The following DEFB121 variants were observed in gnomAD, a reference collection of about 807,000 sequenced individuals.
DEFB121 encodes the protein defensin beta 121, also known as beta-defensin 121.
DEFB121 carries 5 observed loss-of-function variants against 2.5 expected under a neutral mutation model. The observed-to-expected ratio is 1.96, with a 90% CI of 1.03 to 4.13. DEFB121 has a LOEUF of 4.13. DEFB121 is among the 30% of genes most tolerant of loss of function. The probability of loss-of-function intolerance (pLI) is 0.00; values close to 1 mark genes in which losing one functional copy is unlikely to be tolerated. For synonymous variants in DEFB121, 39 were observed against 32.6 expected (o/e 1.20, Z -0.67); for missense variants, 87 against 85.0 (o/e 1.02, Z -0.09).
chr20:31,406,283 G>GA, upstream of DEFB121: 1 of 1,457,456 alleles, frequency 6.9e-7, no homozygotes, highest in Non-Finnish European at 9.1e-7. Flanking sequence ...CAGTGAACCA[G>GA]AACGGGAACA....
At position 31,404,851 on chromosome 20, in the gene DEFB121, A is replaced by G; in HGVS notation, c.*62T>C. ...ATCAGACAGAAACAGGGTGTTGCCAAGAATGATTTAATAGAACTGCAGGAT... is the reference window on the plus strand; with the variant it reads ...ATCAGACAGAAACAGGGTGTTGCCAGGAATGATTTAATAGAACTGCAGGAT... On this transcript the variant is annotated 3_prime_UTR_variant, in exon 2 of 2. Transcript: ENST00000376314. 6.3e-7 allele frequency: 1 copy of G among 1,578,762 alleles called. No individual in the cohort carries two copies. The highest frequency in any genetic ancestry group is 8.6e-7 in the Non-Finnish European group (1 of 1,161,116).
rs779005447 is a variant in DEFB121, at chr20:31,406,187, C to T, written c.-35G>A. 2.4e-5 allele frequency: 39 copies of T among 1,613,186 alleles called. No individual in the cohort carries two copies. Among genetic ancestry groups the T allele is most frequent in the Non-Finnish European group, 3.1e-5 (37 of 1,179,542 alleles). On this transcript the variant is annotated 5_prime_UTR_variant, in exon 1 of 2. Coordinates refer to ENST00000376314, the MANE Select transcript of DEFB121 (RefSeq NM_001011878.3). ...ATGATCAGGGAGGGATAGGAGGCTTCTCAACTGGTAAAACAGACAGAGGAC... is the reference window on the plus strand; with the variant it reads ...ATGATCAGGGAGGGATAGGAGGCTTTTCAACTGGTAAAACAGACAGAGGAC...
upstream of DEFB121, among the ~76,000 whole-genome samples, chr20:31,414,435 T>C (rs6088147): frequency 0.43 from 65,939 of 152,098 alleles, 16,840 homozygotes; most frequent in East Asian, 0.74. Context: ...ATAGCCAAGA[T>C]ATGGAAACAA....
At chr20:31,418,343 A>T in the DEFB121 span, among the ~76,000 whole-genome samples, 1 of 151,944 alleles carries the variant, frequency 6.6e-6, no homozygotes, top group East Asian at 1.9e-4. Flanking sequence ...CCTAGAGAGA[A>T]GACCTTAAGA....
At chr20:31,413,314 G>C (rs1356103385), upstream of DEFB121, among the ~76,000 whole-genome samples, 1 of 152,162 alleles carries the variant, frequency 6.6e-6, no homozygotes, top group East Asian at 1.9e-4. Flanking sequence ...CACAAGAAAT[G>C]TTTTCTAAAT....
chr20:31,417,506 A>T (rs1978840380), upstream of DEFB121, among the ~76,000 whole-genome samples: 1 of 152,206 alleles, frequency 6.6e-6, no homozygotes, highest in Non-Finnish European at 1.5e-5. Context: ...CAACATATGA[A>T]AAATAAGTAG....
At chr20:31,405,542 C>A (rs1432785409) in intron 1 of DEFB121, among the ~76,000 whole-genome samples, 2 of 152,114 alleles carry the variant, frequency 1.3e-5, no homozygotes, top group African/African-American at 4.8e-5. Context: ...TCTAGGGCAC[C>A]TTTAAAACTC....
upstream of DEFB121, among the ~76,000 whole-genome samples, chr20:31,411,079 C>T (rs1019785112): frequency 1.3e-5 from 2 of 152,148 alleles, no homozygotes; most frequent in African/African-American, 4.8e-5. Context: ...GACCTGAATC[C>T]ATTATGTGCA....
At position 31,406,092 on chromosome 20, in the gene DEFB121, TACCTGGGGTG is replaced by T. The variant is rs766489590; in HGVS notation, c.51_58+2del. On this transcript the variant is annotated splice_donor_variant and coding_sequence_variant, in exon 1 of 2. Coordinates refer to ENST00000376314, the MANE Select transcript of DEFB121 (RefSeq NM_001011878.3). LOFTEE classifies it high-confidence loss of function. ...CCCATCCCCTTCTGGAGATCCTGTT[TACCTGGGGTG>T]ACCTGGGCCAGGAGCAGAGTAACAG... 211 of 1,614,086 alleles carry T rather than the reference TACCTGGGGTG, an allele frequency of 1.3e-4. No homozygotes were observed. The highest frequency in any genetic ancestry group is 6.6e-4 in the Middle Eastern group (4 of 6,058).
chr20:31,404,935 A>T lies in DEFB121; in HGVS notation c.209T>A (p.Leu70Gln). Reference sequence around the variant, plus strand: ...GTGTCAGACTGCAGAAGTTGATTCCAGGCTTGTATTTGTGTCTGTTAATTT... The same window carrying T: ...GTGTCAGACTGCAGAAGTTGATTCCTGGCTTGTATTTGTGTCTGTTAATTT... ...KPKLTDTNTS[L>Q]ESTSAV The change falls in exon 2 of 2, where the codon CTG (leucine) becomes CAG (glutamine). Residue 70 changes from leucine (L) to glutamine (Q), a missense_variant. By Grantham distance (113) the Leu-to-Gln change is moderately radical. Coordinates refer to ENST00000376314, the MANE Select transcript of DEFB121 (RefSeq NM_001011878.3). The T allele has an allele frequency of 6.2e-7, 1 of 1,613,978 alleles. No individual in the cohort carries two copies. The highest frequency in any genetic ancestry group is 8.5e-7 in the Non-Finnish European group (1 of 1,179,978).
chr20:31,414,104 G>T, upstream of DEFB121, among the ~76,000 whole-genome samples: 1 of 152,138 alleles, frequency 6.6e-6, no homozygotes, highest in South Asian at 2.1e-4. Context: ...CTACTCAGGA[G>T]GCTGAGGCAG....
chr20:31,415,150 A>G (rs1157926426), upstream of DEFB121, among the ~76,000 whole-genome samples: 1 of 152,262 alleles, frequency 6.6e-6, no homozygotes, highest in Non-Finnish European at 1.5e-5. Flanking sequence ...GTTGAACACA[A>G]AAAATTGTTA....
At chr20:31,407,833 C>T (rs530508338), upstream of DEFB121, among the ~76,000 whole-genome samples, 6 of 152,204 alleles carry the variant, frequency 3.9e-5, no homozygotes, top group East Asian at 5.8e-4. Context: ...GCTGGAGTGC[C>T]GTGGCACCAT....
At chr20:31,414,571 C>T (rs888373890), upstream of DEFB121, among the ~76,000 whole-genome samples, 1 of 152,146 alleles carries the variant, frequency 6.6e-6, no homozygotes, top group Admixed American at 6.5e-5. Flanking sequence ...GCCTTGAGGG[C>T]GTTATGCTAA....
chr20:31,410,856 A>AGAGAGAG (rs1568740216), upstream of DEFB121, among the ~76,000 whole-genome samples: 7 of 122,174 alleles, frequency 5.7e-5, no homozygotes, highest in South Asian at 2.3e-4. Flanking sequence ...GAGAGAGAGA[A>AGAGAGAG]AGAGAGCAAC....
upstream of DEFB121, among the ~76,000 whole-genome samples, chr20:31,415,297 T>G (rs375960647): frequency 1.3e-5 from 2 of 151,276 alleles, no homozygotes; most frequent in Non-Finnish European, 2.9e-5. Flanking sequence ...TCCCCCAGGC[T>G]GGAGTGGAGT....
chr20:31,405,212 T>G, intron 1 of DEFB121, 127 bp from the exon 2 acceptor site: 3 of 847,940 alleles, frequency 3.5e-6, no homozygotes, highest in Non-Finnish European at 5.3e-6. Flanking sequence ...GAAGAAGCTC[T>G]TACACAGGAT....
chr20:31,413,666 T>C (rs776192936), upstream of DEFB121, among the ~76,000 whole-genome samples: 184 of 144,116 alleles, frequency 1.3e-3, 3 homozygotes, highest in Admixed American at 8.1e-4. Context: ...TTATATGCCC[T>C]GGCCTTGGAA....
chr20:31,407,267 A>G (rs1978513064), upstream of DEFB121, among the ~76,000 whole-genome samples: 1 of 152,076 alleles, frequency 6.6e-6, no homozygotes, highest in African/African-American at 2.4e-5. Context: ...AAAGAAAGAA[A>G]TGGTAGATTG....
Sources: gnomAD v4.1 joint callset for allele counts (sites outside exome capture counted in the v4.1 genomes callset) on GRCh38, gnomAD v4.1.1 for gene constraint, MANE v1.5 for transcripts, NCBI Gene and HGNC (gene_info 2026-07-23, HGNC 2026-07-21) for gene names.